Variants in CHD6 observed in about 807,000 individuals in gnomAD.
CHD6 encodes chromodomain helicase DNA binding protein 6.
A neutral mutation model predicts 276.9 loss-of-function variants in CHD6; 50 were observed. That is an observed-to-expected ratio of 0.18 (90% CI 0.14 to 0.23). CHD6 has a LOEUF of 0.23. CHD6 is among the 10% of genes least tolerant of loss of function. The pLI, the probability that CHD6 is intolerant of heterozygous loss-of-function variation, is 1.00. For synonymous variants in CHD6, 1,173 were observed against 1,229.3 expected (o/e 0.95, Z 0.96); for missense variants, 2,564 against 3,365.8 (o/e 0.76, Z 5.89).
intron 17 of CHD6, among the ~76,000 whole-genome samples, chr20:41,460,201 G>C (rs6072379): frequency 6.6e-6 from 1 of 152,204 alleles, no homozygotes; most frequent in African/African-American, 2.4e-5. Context: ...GGGTGACTTA[G>C]GTTCTGTTAA....
chr20:41,467,850 G>A (rs1454379130), intron 17 of CHD6, among the ~76,000 whole-genome samples: 2 of 151,518 alleles, frequency 1.3e-5, no homozygotes, highest in Non-Finnish European at 2.9e-5. Context: ...GAGAGGCAGC[G>A]GCGTACTCAA....
chr20:41,572,991 G>C (rs992773512), intron 1 of CHD6, among the ~76,000 whole-genome samples: 1 of 151,874 alleles, frequency 6.6e-6, no homozygotes, highest in African/African-American at 2.4e-5. Flanking sequence ...CTCACTGCAA[G>C]CTCTGCCTCA....
chr20:41,563,467 G>T (rs897663667), intron 1 of CHD6, among the ~76,000 whole-genome samples: 2 of 152,004 alleles, frequency 1.3e-5, no homozygotes, highest in Non-Finnish European at 2.9e-5. Flanking sequence ...TGCCACATTC[G>T]CACAATCAGA....
chr20:41,423,434 T>G (rs2047260022), intron 30 of CHD6, 58 bp downstream of exon 30: 1 of 1,527,822 alleles, frequency 6.5e-7, no homozygotes, highest in Non-Finnish European at 9.1e-7. Flanking sequence ...TTCTGCAATT[T>G]GAAAATCAGA....
At position 41,426,173 on chromosome 20, in the gene CHD6, TC is replaced by T. The variant is rs2047356931; in HGVS notation, c.4069-21del. ...ACTCTCCTAGGGATAAATAAAGCCA[TC>T]CCATCAGCAAAACTGCAGCTTAGAA... is the stretch of plus-strand genomic sequence containing the variant. On this transcript the variant is annotated intron_variant, in intron 27 of 36. Coordinates refer to ENST00000373233, the MANE Select transcript of CHD6 (RefSeq NM_032221.5). 1 of 1,592,340 alleles carries T rather than the reference TC, an allele frequency of 6.3e-7. No individual in the cohort carries two copies. Among genetic ancestry groups the T allele is most frequent in the African/African-American group, 1.3e-5 (1 of 74,400 alleles).
Position 41,405,134 on chromosome 20 carries a change from C to T in CHD6, c.7607G>A (p.Gly2536Glu). 1.9e-6 allele frequency: 3 copies of T among 1,614,174 alleles called. No individual in the cohort carries two copies. Among genetic ancestry groups the T allele is most frequent in the Non-Finnish European group, 2.5e-6 (3 of 1,180,014 alleles). ...AAVPQMFGVG[G>E]LLSPPMATTC... ...GGTTGCCATGGGTGGACTGAGGAGT[C>T]CCCCAACACCAAACATCTGGGGCAC... The change falls in exon 37 of 37, where the codon GGA (glycine) becomes GAA (glutamate). Residue 2536 changes from glycine to glutamate, a missense_variant. By Grantham distance (98) the Gly-to-Glu change is moderately conservative (BLOSUM62 -2). Coordinates refer to ENST00000373233, the MANE Select transcript of CHD6 (RefSeq NM_032221.5).
In CHD6 at chr20:41,420,882, T is replaced by G. The variant is rs2047166586; in HGVS notation, c.5753A>C (p.Glu1918Ala). The change falls in exon 31 of 37, where the codon GAG (glutamate) becomes GCG (alanine). Residue 1918 changes from glutamate (E) to alanine (A), a missense_variant. Coordinates refer to ENST00000373233, the MANE Select transcript of CHD6 (RefSeq NM_032221.5). ...TAGCCCAGGAGTCTGGTTTGCCACCTCTAAGCTTCCTTTCTTGGTTTCATC... is the reference window on the plus strand; with the variant it reads ...TAGCCCAGGAGTCTGGTTTGCCACCGCTAAGCTTCCTTTCTTGGTTTCATC... ...FQDETKKGSL[E>A]VANQTPGLQR... 6.2e-7 allele frequency: 1 copy of G among 1,614,222 alleles called. No homozygotes were observed. Among genetic ancestry groups the G allele is most frequent in the Admixed American group, 1.7e-5 (1 of 60,032 alleles).
intron 27 of CHD6, among the ~76,000 whole-genome samples, chr20:41,434,067 G>C (rs540433308): frequency 6.6e-6 from 1 of 152,280 alleles, no homozygotes; most frequent in East Asian, 1.9e-4. Context: ...AAGCTTTAAT[G>C]TATCAATAAT....
At position 41,490,039 on chromosome 20, in the gene CHD6, T is replaced by A; in HGVS notation, c.1437-18A>T. 1 of 1,609,040 alleles carries A rather than the reference T, an allele frequency of 6.2e-7. No homozygotes were observed. The highest frequency in any genetic ancestry group is 8.5e-7 in the Non-Finnish European group (1 of 1,175,842). ...AGTTTTTTCTGCAGAGAGTGAGAAA[T>A]ATAGGTAATTCATTATCAATATAGG... is the stretch of plus-strand genomic sequence containing the variant. On this transcript the variant is annotated intron_variant, in intron 11 of 36. Coordinates refer to ENST00000373233, the MANE Select transcript of CHD6 (RefSeq NM_032221.5).
Position 41,455,916 on chromosome 20 carries a change from T to G in CHD6, c.2893A>C (p.Met965Leu). Residue 965 changes from methionine to leucine, a missense_variant, in exon 19 of 37, where the codon ATG becomes CTG. Transcript: ENST00000373233. ...TTGGAGCCTTCATCTTCTTCATCCA[T>G]TAAGGCTCCATAAGCACCTTTCCGG... is the stretch of plus-strand genomic sequence containing the variant. ...LLRKGAYGAL[M>L]DEEDEGSKFC... 1 of 1,611,766 alleles carries G rather than the reference T, an allele frequency of 6.2e-7. No homozygotes were observed. Among genetic ancestry groups the G allele is most frequent in the Non-Finnish European group, 8.5e-7 (1 of 1,179,150 alleles).
intron 2 of CHD6, chr20:41,547,533 T>C: frequency 8.8e-6 from 4 of 455,994 alleles, no homozygotes; most frequent in South Asian, 6.7e-5. Context: ...CCTGGGTCTG[T>C]CTCCCAAAAA....
intron 29 of CHD6, 31 bp downstream of exon 29, chr20:41,425,147 T>G: frequency 1.9e-6 from 3 of 1,582,620 alleles, no homozygotes; most frequent in East Asian, 2.2e-5. Context: ...AGTGGGTGGC[T>G]GAGCATGCCC....
Position 41,420,969 on chromosome 20 carries a change from T to G in CHD6, c.5666A>C (p.Glu1889Ala), listed in dbSNP as rs1416775750. The part of the protein sequence containing the change: ...AMAVGMGERP[E>A]VLHLTEPTTN... ...AGTGGGCTCCGTGAGATGCAATACCTCTGGCCTTTCCCCCATGCCTACTGC... is the reference window on the plus strand; with the variant it reads ...AGTGGGCTCCGTGAGATGCAATACCGCTGGCCTTTCCCCCATGCCTACTGC... Residue 1889 changes from glutamate to alanine, a missense_variant, in exon 31 of 37, where the codon GAG (glutamate) becomes GCG (alanine). This residue lies in a region of CHD6 where 1,024 missense variants were observed against 1,047.9 expected (regional missense o/e 0.98). Transcript: ENST00000373233. 2.5e-6 allele frequency: 4 copies of G among 1,614,116 alleles called. No individual in the cohort carries two copies. The highest frequency in any genetic ancestry group is 3.4e-6 in the Non-Finnish European group (4 of 1,180,054).
chr20:41,474,667 T>C (rs1014746601), intron 16 of CHD6, among the ~76,000 whole-genome samples: 1 of 152,052 alleles, frequency 6.6e-6, no homozygotes, highest in Admixed American at 6.6e-5. Context: ...CTTACATAAA[T>C]AAGCAGGAAG....
chr20:41,433,753 G>T (rs190167263), intron 27 of CHD6, among the ~76,000 whole-genome samples: 1 of 152,114 alleles, frequency 6.6e-6, no homozygotes, highest in African/African-American at 2.4e-5. Context: ...TTTGACAGTT[G>T]AGGCAAAAAT....
At chr20:41,455,656 C>T in intron 19 of CHD6, 144 bp downstream of exon 19, 1 of 588,484 alleles carries the variant, frequency 1.7e-6, no homozygotes. Flanking sequence ...GGATCTATAT[C>T]TTTAGATAGT....
chr20:41,541,636 G>GA (rs2044943992), intron 2 of CHD6, among the ~76,000 whole-genome samples: 1 of 152,170 alleles, frequency 6.6e-6, no homozygotes, highest in Non-Finnish European at 1.5e-5. Flanking sequence ...AAGTTGGTGG[G>GA]AAAAAATGTA....
chr20:41,595,214 T>C (rs567348398), intron 1 of CHD6, among the ~76,000 whole-genome samples: 6 of 152,170 alleles, frequency 3.9e-5, no homozygotes, highest in Non-Finnish European at 5.9e-5. Flanking sequence ...ACCCAGTAAC[T>C]GTGCACAGAC....
intron 17 of CHD6, among the ~76,000 whole-genome samples, chr20:41,469,190 C>T (rs1034438221): frequency 4.6e-5 from 7 of 152,190 alleles, no homozygotes; most frequent in African/African-American, 1.7e-4. Flanking sequence ...AGACATGCAG[C>T]AGCTGCATTA....
Sources: gnomAD v4.1 joint callset for allele counts (sites outside exome capture counted in the v4.1 genomes callset) on GRCh38, gnomAD v4.1.1 for gene constraint, gnomAD v4.1.1 regional missense constraint, MANE v1.5 for transcripts, NCBI Gene and HGNC (gene_info 2026-07-23, HGNC 2026-07-21) for gene names.